Variants in CNGA1 observed in about 807,000 individuals in gnomAD.
The protein encoded by CNGA1 is cyclic nucleotide-gated channel alpha-1.
In CNGA1, 53 loss-of-function variants were observed where a neutral mutation model predicts 69.7. That is an observed-to-expected ratio of 0.76 (90% CI 0.61 to 0.96). The LOEUF (loss-of-function observed/expected upper bound fraction) is 0.96, where lower values mean the gene tolerates loss of function less well. CNGA1 is among the 40% of genes least tolerant of loss of function. The pLI, the probability that CNGA1 is intolerant of heterozygous loss-of-function variation, is 0.00. For synonymous variants in CNGA1, 249 were observed against 283.5 expected (o/e 0.88, Z 1.22); for missense variants, 739 against 811.2 (o/e 0.91, Z 1.08).
intron 9 of CNGA1, 49 bp from the exon 10 acceptor site, chr4:47,940,918 T>C: frequency 1.6e-6 from 2 of 1,232,566 alleles, no homozygotes; most frequent in Non-Finnish European, 2.4e-6. Context: ...TGGGGGCCAA[T>C]TTAAGTAAAA....
At chr4:48,004,332 G>A (rs985851278) in intron 2 of CNGA1, among the ~76,000 whole-genome samples, 6 of 152,096 alleles carry the variant, frequency 3.9e-5, no homozygotes, top group Non-Finnish European at 8.8e-5. Flanking sequence ...CGGTCTCCGC[G>A]TCTTTGTGGT....
At position 47,943,161 on chromosome 4, in the gene CNGA1, A is replaced by G. The variant is rs2110141715; in HGVS notation, c.437+20T>C. The G allele has an allele frequency of 5.3e-6, 8 of 1,523,666 alleles. No homozygotes were observed. Among genetic ancestry groups the G allele is most frequent in the South Asian group, 2.3e-5 (2 of 88,216 alleles). The allele number at this position is 1,523,666 out of a possible 1,614,324, so 94.4% of individuals were successfully genotyped here. A position where few individuals can be genotyped will look rare whatever the true frequency, so the allele number is the denominator to read the frequency against. Reference sequence around the variant, plus strand: ...CCCATCACAATTTCCTTCTATTTCAATGCCACTAAAAGTGCTTACTCTTCT... The same window carrying G: ...CCCATCACAATTTCCTTCTATTTCAGTGCCACTAAAAGTGCTTACTCTTCT... On this transcript the variant is annotated intron_variant, in intron 8 of 10. Transcript: ENST00000514170.
intron 2 of CNGA1, among the ~76,000 whole-genome samples, chr4:47,984,439 G>A (rs763180263): frequency 1.1e-4 from 16 of 151,896 alleles, no homozygotes; most frequent in Non-Finnish European, 1.5e-5. Context: ...CCAACATGGT[G>A]AAACCCCGTC....
intron 3 of CNGA1, among the ~76,000 whole-genome samples, chr4:47,976,256 CATACATATATAT>C (rs1741383580): frequency 3.3e-5 from 1 of 30,132 alleles, no homozygotes. Context: ...TATATATACA[CATACATATATAT>C]ATACATATAT....
intron 2 of CNGA1, among the ~76,000 whole-genome samples, chr4:48,000,324 CAAAT>C (rs1385479718): frequency 6.6e-6 from 1 of 150,580 alleles, no homozygotes; most frequent in Non-Finnish European, 1.5e-5. Context: ...AGAATAAAAA[CAAAT>C]AAAATCACTT....
intron 2 of CNGA1, among the ~76,000 whole-genome samples, chr4:48,008,860 T>C (rs948274977): frequency 6.6e-6 from 1 of 152,248 alleles, no homozygotes; most frequent in Non-Finnish European, 1.5e-5. Flanking sequence ...CCAAACAAAC[T>C]TCCTTGCTGC....
At chr4:47,998,956 A>G (rs1410235130) in intron 2 of CNGA1, among the ~76,000 whole-genome samples, 1 of 152,196 alleles carries the variant, frequency 6.6e-6, no homozygotes, top group Admixed American at 6.5e-5. Flanking sequence ...AAAATTCCAA[A>G]AATAAACAAT....
intron 6 of CNGA1, among the ~76,000 whole-genome samples, chr4:47,946,033 C>A (rs1259203483): frequency 6.6e-6 from 1 of 152,166 alleles, no homozygotes; most frequent in East Asian, 1.9e-4. Context: ...ACCCCTACCC[C>A]ACTAGTTCCT....
chr4:48,012,523 C>T (rs1187824593), intron 1 of CNGA1, among the ~76,000 whole-genome samples: 1 of 139,636 alleles, frequency 7.2e-6, no homozygotes. Flanking sequence ...TCCTCTTTTT[C>T]CTTTTGCTGG....
chr4:47,944,303 G>A (rs1217764493), intron 6 of CNGA1, among the ~76,000 whole-genome samples: 1 of 152,176 alleles, frequency 6.6e-6, no homozygotes, highest in African/African-American at 2.4e-5. Context: ...GAAAGCCTCT[G>A]TTAAGAAGAA....
At chr4:47,984,691 C>CATAT (rs760240582) in intron 2 of CNGA1, among the ~76,000 whole-genome samples, 29 of 139,782 alleles carry the variant, frequency 2.1e-4, no homozygotes, top group Middle Eastern at 3.6e-3. Context: ...CACACACACA[C>CATAT]ACATATATAT....
chr4:47,955,031 G>A (rs978423844), intron 3 of CNGA1, among the ~76,000 whole-genome samples: 7 of 152,040 alleles, frequency 4.6e-5, no homozygotes, highest in South Asian at 2.1e-4. Flanking sequence ...GCTCACGACT[G>A]TAATAGTTGT....
At chr4:47,947,947 A>G (rs1232120689) in intron 6 of CNGA1, among the ~76,000 whole-genome samples, 1 of 152,224 alleles carries the variant, frequency 6.6e-6, no homozygotes, top group Non-Finnish European at 1.5e-5. Context: ...ACTCCAAAAC[A>G]GTGCTTTCTC....
At chr4:47,953,384 CCCA>C (rs1560627066) in intron 3 of CNGA1, among the ~76,000 whole-genome samples, 6 of 152,124 alleles carry the variant, frequency 3.9e-5, no homozygotes, top group Non-Finnish European at 8.8e-5. Context: ...ACCTCGCATA[CCCA>C]TCAAGCAATT....
intron 3 of CNGA1, among the ~76,000 whole-genome samples, chr4:47,976,170 TACACATAC>T (rs1424112976): frequency 2.3e-4 from 11 of 48,548 alleles, no homozygotes; most frequent in African/African-American, 9.7e-4. Flanking sequence ...TATATATATA[TACACATAC>T]ATATATATAT....
chr4:47,951,299 C>A, intron 5 of CNGA1, 54 bp downstream of exon 5: 1 of 1,174,758 alleles, frequency 8.5e-7, no homozygotes, highest in Non-Finnish European at 1.3e-6. Flanking sequence ...AACACTGCAA[C>A]CTTAAGCATA....
At chr4:47,971,298 T>C (rs940742695) in intron 3 of CNGA1, among the ~76,000 whole-genome samples, 3 of 151,750 alleles carry the variant, frequency 2.0e-5, no homozygotes, top group Middle Eastern at 3.4e-3. Flanking sequence ...GACTGGGCAA[T>C]TGGAGTGGAA....
At chr4:47,996,101 A>G (rs1374148513) in intron 2 of CNGA1, among the ~76,000 whole-genome samples, 1 of 152,176 alleles carries the variant, frequency 6.6e-6, no homozygotes, top group Admixed American at 6.5e-5. Flanking sequence ...GGGTACTCCC[A>G]GGTTTCCTGA....
chr4:47,951,612 TAA>T lies in CNGA1; in HGVS notation c.108-145_108-144del. 4.4e-6 allele frequency: 3 copies of T among 678,662 alleles called. No homozygotes were observed. The East Asian group carries it at 8.3e-5, about 19-fold the overall frequency. 42.0% of individuals were successfully genotyped at this position (678,662 alleles called of 1,614,324 possible). A position where few individuals can be genotyped will look rare whatever the true frequency, so the allele number is the denominator to read the frequency against. On this transcript the variant is annotated intron_variant, in intron 4 of 10. Coordinates refer to ENST00000514170, the MANE Select transcript of CNGA1 (RefSeq NM_001379270.1). Reference sequence around the variant, plus strand: ...CACACATAACAATTTTTAGTTAGCATAAAGTTAGAACTATACAAAATACATAG... The same window carrying T: ...CACACATAACAATTTTTAGTTAGCATAGTTAGAACTATACAAAATACATAG...
Sources: gnomAD v4.1 joint callset for allele counts (sites outside exome capture counted in the v4.1 genomes callset) on GRCh38, gnomAD v4.1.1 for gene constraint, MANE v1.5 for transcripts, NCBI Gene and HGNC (gene_info 2026-07-23, HGNC 2026-07-21) for gene names.